Variants in TP73 observed in about 807,000 individuals in gnomAD.
TP73 encodes the protein tumor protein p73, also known as p53-like transcription factor.
In TP73, 25 loss-of-function variants were observed where a neutral mutation model predicts 62.5. That is an observed-to-expected ratio of 0.40 (90% confidence interval 0.29 to 0.56). The LOEUF (loss-of-function observed/expected upper bound fraction) is 0.56. Ranked by LOEUF, TP73 falls within the 20% of genes least tolerant of loss-of-function variation. TP73 has a pLI of 0.46. For missense variants in TP73, 754 were observed against 913.3 expected (o/e 0.83, Z 2.25); for synonymous variants, 423 against 377.5 (o/e 1.12, Z -1.40).
chr1:3,674,443 C>T (rs901560416), intron 1 of TP73, among the ~76,000 whole-genome samples: 1 of 152,248 alleles, frequency 6.6e-6, no homozygotes. Context: ...GGGCAGCAGG[C>T]GTGCCATCTG....
At position 3,729,727 on chromosome 1, in the gene TP73, G is replaced by C. The variant is rs1885865; in HGVS notation, c.1197-273G>C. 2.2e-4 allele frequency: 173 copies of C among 769,286 alleles called. 2 individuals carry two copies. The African/African-American group carries it at 2.4e-3, about 11-fold the overall frequency. The allele number at this position is 769,286 out of a possible 1,614,324, so 47.7% of individuals were successfully genotyped here. ...GGAAAGGCCAGGAGGGGTGGCCAGA[G>C]TGACCATGACCCACCAAGACCAGAG... On this transcript the variant is annotated intron_variant, in intron 10 of 13. Coordinates refer to ENST00000378295, the MANE Select transcript of TP73 (RefSeq NM_005427.4).
intron 3 of TP73, among the ~76,000 whole-genome samples, chr1:3,692,327 A>T (rs1557518144): frequency 6.6e-6 from 1 of 152,182 alleles, no homozygotes. Context: ...CCAGCCCCAC[A>T]GCCTGCCCAG....
intron 9 of TP73, among the ~76,000 whole-genome samples, chr1:3,729,058 G>A (rs551898708): frequency 6.6e-6 from 1 of 152,342 alleles, no homozygotes; most frequent in South Asian, 2.1e-4. Context: ...AGTATCTGTT[G>A]GTAGGGGAGG....
At chr1:3,665,819 CTTTTTTTTT>C (rs140454580) in intron 1 of TP73, among the ~76,000 whole-genome samples, 9 of 96,898 alleles carry the variant, frequency 9.3e-5, no homozygotes, top group African/African-American at 3.9e-4. Context: ...CGTGCCCGGC[CTTTTTTTTT>C]TTTTTTTTTT....
chr1:3,695,163 C>T (rs1638520657), intron 3 of TP73, among the ~76,000 whole-genome samples: 1 of 152,250 alleles, frequency 6.6e-6, no homozygotes, highest in Admixed American at 6.5e-5. Flanking sequence ...CCCACTTCTG[C>T]CTGTAGCAAG....
intron 1 of TP73, among the ~76,000 whole-genome samples, chr1:3,656,896 C>T (rs1261235978): frequency 6.6e-6 from 1 of 152,226 alleles, no homozygotes; most frequent in Non-Finnish European, 1.5e-5. Flanking sequence ...ACAGTCATAG[C>T]AGTACCTGTG....
chr1:3,723,532 T>C, intron 6 of TP73, 63 bp downstream of exon 6: 8 of 738,804 alleles, frequency 1.1e-5, no homozygotes, highest in Non-Finnish European at 1.7e-5. Flanking sequence ...GGGGGAGGGG[T>C]CCCCTGAGGC....
chr1:3,697,632 G>A (rs12067473), intron 3 of TP73, among the ~76,000 whole-genome samples: 82 of 152,322 alleles, frequency 5.4e-4, no homozygotes, highest in African/African-American at 1.8e-3. Flanking sequence ...GTCTCGTGCC[G>A]GCTGCCATCT....
intron 8 of TP73, 79 bp downstream of exon 8, chr1:3,727,849 T>G: frequency 6.9e-7 from 1 of 1,452,454 alleles, no homozygotes; most frequent in Non-Finnish European, 9.1e-7. Flanking sequence ...TGAGCCCGCG[T>G]CCCAGGGACA....
At chr1:3,707,186 T>C (rs892310354) in intron 3 of TP73, among the ~76,000 whole-genome samples, 3 of 152,052 alleles carry the variant, frequency 2.0e-5, no homozygotes, top group African/African-American at 7.2e-5. Flanking sequence ...AGCTGTGAGG[T>C]CCAGACCCCG....
chr1:3,671,506 C>T (rs1383069890), intron 1 of TP73, among the ~76,000 whole-genome samples: 2 of 152,250 alleles, frequency 1.3e-5, no homozygotes, highest in Admixed American at 6.5e-5. Context: ...GAGCCCCCTT[C>T]GTGACGGGGG....
intron 6 of TP73, 106 bp downstream of exon 6, chr1:3,723,575 CT>C: frequency 1.6e-6 from 1 of 639,942 alleles, no homozygotes; most frequent in Non-Finnish European, 2.5e-6. Context: ...GCTGATCTGC[CT>C]GCCTGTCCTG....
intron 3 of TP73, among the ~76,000 whole-genome samples, chr1:3,693,411 T>C (rs1638248392): frequency 6.6e-6 from 1 of 152,084 alleles, no homozygotes; most frequent in African/African-American, 2.4e-5. Flanking sequence ...GGCCCCTGGG[T>C]TGCAGGACAC....
rs1645259619 is a variant in TP73, at chr1:3,672,329, A to ACATGGGCG, written c.-33-10002_-33-9995dup. ...CTGGAGGACAGCACAGGCACTTCCA[A>ACATGGGCG]CATGGGCGCTGGCCGCACAAAGGCT... On this transcript the variant is annotated intron_variant, in intron 1 of 13. Transcript: ENST00000378295. The surrounding 1 kb of genome is among the most constrained non-coding windows in gnomAD (Gnocchi z 5.3). Among the ~76,000 whole-genome samples, 1 of 152,144 alleles carries ACATGGGCG rather than the reference A, an allele frequency of 6.6e-6. No homozygotes were observed. Among genetic ancestry groups the ACATGGGCG allele is most frequent in the Non-Finnish European group, 1.5e-5 (1 of 68,020 alleles).
chr1:3,697,417 C>A (rs1334157945), intron 3 of TP73, among the ~76,000 whole-genome samples: 1 of 152,216 alleles, frequency 6.6e-6, no homozygotes, highest in Non-Finnish European at 1.5e-5. Flanking sequence ...AGCCTGGAAA[C>A]ACCCCCAGGC....
intron 1 of TP73, chr1:3,658,883 TC>T (rs1260381545): frequency 6.6e-6 from 1 of 151,662 alleles, no homozygotes; most frequent in Non-Finnish European, 1.5e-5. Flanking sequence ...GGTGGCGTAT[TC>T]TGGTCTCCTA....
chr1:3,667,662 A>C (rs533939831), intron 1 of TP73, among the ~76,000 whole-genome samples: 8 of 151,932 alleles, frequency 5.3e-5, no homozygotes, highest in African/African-American at 1.9e-4. Context: ...AGGCATGAGA[A>C]TCGCTTGAAC....
At chr1:3,716,771 A>C (rs1256166670) in intron 4 of TP73, among the ~76,000 whole-genome samples, 2 of 152,076 alleles carry the variant, frequency 1.3e-5, no homozygotes, top group East Asian at 1.9e-4. Flanking sequence ...CAGGCTGTTG[A>C]CCCTGGCTCA....
intron 3 of TP73, among the ~76,000 whole-genome samples, chr1:3,706,726 C>T (rs1385999288): frequency 6.6e-6 from 1 of 152,128 alleles, no homozygotes; most frequent in East Asian, 1.9e-4. Flanking sequence ...CCTTAAGCTC[C>T]TGGCAGAGGC....
Sources: allele counts gnomAD v4.1 joint callset (sites outside exome capture counted in the v4.1 genomes callset), GRCh38; gene constraint gnomAD v4.1.1; non-coding constraint Gnocchi (gnomAD v3.1); transcripts MANE v1.5; gene names NCBI Gene and HGNC (gene_info 2026-07-23, HGNC 2026-07-21).